GREB1L: variants seen among roughly 807,000 people sequenced by gnomAD.
GREB1L encodes GREB1 like retinoic acid receptor coactivator, also known as GREB1-like protein.
Under a neutral mutation model 200.8 loss-of-function variants are expected in GREB1L, and 17 were observed. That is an observed-to-expected ratio of 0.08 (90% CI 0.06 to 0.13). The LOEUF (loss-of-function observed/expected upper bound fraction) is 0.13, where lower values mean the gene tolerates loss of function less well. Among genes scored for constraint, GREB1L ranks in the 10% least tolerant of loss-of-function variants. GREB1L has a pLI of 1.00. For missense variants in GREB1L, 1,657 were observed against 2,367.7 expected (o/e 0.70, Z 6.23); for synonymous variants, 789 against 893.0 (o/e 0.88, Z 2.08).
chr18:21,423,133 GT>G (rs1181277301), intron 7 of GREB1L, among the ~76,000 whole-genome samples: 1 of 152,140 alleles, frequency 6.6e-6, no homozygotes, highest in Admixed American at 6.6e-5. Flanking sequence ...GTTTCACCAT[GT>G]TGGCCGGGCT....
intron 1 of GREB1L, among the ~76,000 whole-genome samples, chr18:21,284,426 A>G (rs139034040): frequency 3.3e-5 from 5 of 152,338 alleles, no homozygotes; most frequent in Admixed American, 2.0e-4. Flanking sequence ...ATGGAATTAT[A>G]TAATTGGGGG....
intron 4 of GREB1L, among the ~76,000 whole-genome samples, chr18:21,395,125 A>T: frequency 6.7e-6 from 1 of 150,054 alleles, no homozygotes; most frequent in African/African-American, 2.4e-5. Context: ...AAAAAAAAGA[A>T]AAAAAAAAGA....
chr18:21,250,332 C>G (rs1567907949), intron 1 of GREB1L, among the ~76,000 whole-genome samples: 1 of 152,206 alleles, frequency 6.6e-6, no homozygotes, highest in South Asian at 2.1e-4. Flanking sequence ...GTCAATTCCT[C>G]CTGCCACATT....
intron 1 of GREB1L, among the ~76,000 whole-genome samples, chr18:21,286,258 T>C (rs1411159196): frequency 6.6e-6 from 1 of 152,146 alleles, no homozygotes; most frequent in Non-Finnish European, 1.5e-5. Flanking sequence ...TATGTGAAGT[T>C]GATTAGGAGA....
intron 1 of GREB1L, among the ~76,000 whole-genome samples, chr18:21,265,329 GA>G (rs925783270): frequency 1.3e-4 from 20 of 151,940 alleles, no homozygotes; most frequent in Admixed American, 4.6e-4. Context: ...TATCTTATAG[GA>G]AAAAGGTATA....
At chr18:21,358,256 TTAGCA>T (rs1160246149) in intron 1 of GREB1L, among the ~76,000 whole-genome samples, 6 of 152,194 alleles carry the variant, frequency 3.9e-5, no homozygotes, top group Non-Finnish European at 8.8e-5. Flanking sequence ...TAATTTGTGG[TTAGCA>T]TATAGAAATG....
At chr18:21,247,005 C>T (rs1327060903) in intron 1 of GREB1L, among the ~76,000 whole-genome samples, 1 of 152,114 alleles carries the variant, frequency 6.6e-6, no homozygotes, top group Non-Finnish European at 1.5e-5. Flanking sequence ...AAAAGCATGC[C>T]CTTGTGAGTT....
intron 1 of GREB1L, among the ~76,000 whole-genome samples, chr18:21,286,778 A>G (rs192457693): frequency 2.4e-4 from 36 of 152,268 alleles, no homozygotes; most frequent in South Asian, 2.1e-3. Flanking sequence ...GATTGCAGGC[A>G]TGAGCCACTG....
At chr18:21,286,573 G>A (rs1237135384) in intron 1 of GREB1L, among the ~76,000 whole-genome samples, 1 of 152,232 alleles carries the variant, frequency 6.6e-6, no homozygotes, top group Non-Finnish European at 1.5e-5. Context: ...AGCAACAGCA[G>A]AAGTATTCAG....
intron 4 of GREB1L, among the ~76,000 whole-genome samples, chr18:21,390,011 T>C (rs547338821): frequency 8.9e-4 from 135 of 152,254 alleles, no homozygotes; most frequent in Non-Finnish European, 3.5e-4. Flanking sequence ...AATAACACCA[T>C]TTCGGTCAAT....
chr18:21,431,479 T>G (rs760310887), intron 7 of GREB1L, among the ~76,000 whole-genome samples: 1 of 152,228 alleles, frequency 6.6e-6, no homozygotes, highest in African/African-American at 2.4e-5. Context: ...GTTTAGATAA[T>G]GTATTTTATA....
At chr18:21,385,569 C>T (rs569234380) in intron 4 of GREB1L, among the ~76,000 whole-genome samples, 1 of 152,250 alleles carries the variant, frequency 6.6e-6, no homozygotes, top group African/African-American at 2.4e-5. Context: ...TTTATGATTG[C>T]TCAAACTTAA....
rs1290655847 is a variant in GREB1L at position 21,454,574 on chromosome 18, A to C, written c.2182+11A>C. 1.9e-6 allele frequency: 3 copies of C among 1,547,656 alleles called. No homozygotes were observed. The highest frequency in any genetic ancestry group is 2.6e-6 in the Non-Finnish European group (3 of 1,143,240). Reference sequence around the variant, plus strand: ...GGATTCGACAATCAGGTAAGAGTGAACTTTCAAAGAGGAGCCCACCTAGAT... The same window carrying C: ...GGATTCGACAATCAGGTAAGAGTGACCTTTCAAAGAGGAGCCCACCTAGAT... On this transcript the variant is annotated intron_variant, in intron 15 of 32. Transcript: ENST00000424526.
At chr18:21,319,727 T>A (rs188352916) in intron 1 of GREB1L, among the ~76,000 whole-genome samples, 1 of 152,294 alleles carries the variant, frequency 6.6e-6, no homozygotes, top group African/African-American at 2.4e-5. Context: ...GGGTAGAGGC[T>A]TAGAGGGGAG....
intron 1 of GREB1L, among the ~76,000 whole-genome samples, chr18:21,265,250 T>G (rs1468311848): frequency 6.6e-6 from 1 of 152,210 alleles, no homozygotes; most frequent in Admixed American, 6.5e-5. Flanking sequence ...AACTTTGTGA[T>G]GCTGTGTGTA....
At position 21,452,235 on chromosome 18, in the gene GREB1L, C is replaced by A; in HGVS notation, c.1984+18C>A. The A allele has an allele frequency of 6.5e-7, 1 of 1,549,784 alleles. No individual in the cohort carries two copies. The highest frequency in any genetic ancestry group is 8.7e-7 in the Non-Finnish European group (1 of 1,146,228). On this transcript the variant is annotated intron_variant, in intron 14 of 32. Transcript: ENST00000424526. ...AAACCTGGGTAATGTCATCTCAGAC[C>A]AAGAGGAGGAAGTCAGTCCTTGGGA... is the stretch of plus-strand genomic sequence containing the variant.
chr18:21,463,424 C>T (rs1388320743), intron 15 of GREB1L, among the ~76,000 whole-genome samples: 1 of 151,910 alleles, frequency 6.6e-6, no homozygotes, highest in Non-Finnish European at 1.5e-5. Context: ...GGATTACAGG[C>T]GTGAGCCACC....
At chr18:21,354,944 CA>C (rs1410318713) in intron 1 of GREB1L, among the ~76,000 whole-genome samples, 1 of 152,124 alleles carries the variant, frequency 6.6e-6, no homozygotes, top group Non-Finnish European at 1.5e-5. Flanking sequence ...AGCATGATTG[CA>C]TTTGCATTGT....
chr18:21,306,379 C>A (rs1156256507), intron 1 of GREB1L, among the ~76,000 whole-genome samples: 1 of 152,312 alleles, frequency 6.6e-6, no homozygotes, highest in Non-Finnish European at 1.5e-5. Context: ...TGAACCTTCT[C>A]TTCTGGTTAT....
Sources: allele counts gnomAD v4.1 joint callset (sites outside exome capture counted in the v4.1 genomes callset), GRCh38; gene constraint gnomAD v4.1.1; transcripts MANE v1.5; gene names NCBI Gene and HGNC (gene_info 2026-07-23, HGNC 2026-07-21).